Variants in MUS81 observed in about 807,000 individuals in gnomAD.
MUS81 encodes MUS81 structure-specific endonuclease subunit.
In MUS81, 69 loss-of-function variants were observed where a neutral mutation model predicts 74.2. The ratio of observed to expected loss-of-function variants is 0.93; its 90% CI spans 0.77 to 1.14. The LOEUF (loss-of-function observed/expected upper bound fraction) is 1.14. MUS81 is among the 50% of genes most tolerant of loss of function. The probability of loss-of-function intolerance (pLI) is 0.00; values close to 1 mark genes in which losing one functional copy is unlikely to be tolerated. For synonymous variants in MUS81, 303 were observed against 300.6 expected, an observed-to-expected ratio of 1.01 and a Z score of -0.08; for missense variants, 711 against 726.5, an observed-to-expected ratio of 0.98 and a Z score of 0.25.
intron 7 of MUS81, 70 bp downstream of exon 7, chr11:65,863,275 C>T: frequency 1.3e-6 from 2 of 1,579,420 alleles, no homozygotes; most frequent in Admixed American, 3.5e-5. Flanking sequence ...AAGCCCCGCC[C>T]CAACCCATCA....
At chr11:65,867,078 T>A (rs781514127), downstream of MUS81, 1 of 1,614,020 alleles carries the variant, frequency 6.2e-7, no homozygotes, top group Non-Finnish European at 8.5e-7. Flanking sequence ...GTTGTTGATT[T>A]GCTGCAGGGC....
downstream of MUS81, chr11:65,866,963 G>T: frequency 6.2e-7 from 1 of 1,614,212 alleles, no homozygotes; most frequent in Non-Finnish European, 8.5e-7. Flanking sequence ...TCAGTACAGA[G>T]CTGGCCCGGT....
Position 65,860,619 on chromosome 11 carries a change from T to G in MUS81, c.-135T>G. 1 of 1,285,270 alleles carries G rather than the reference T, an allele frequency of 7.8e-7. No homozygotes were observed. The highest frequency in any genetic ancestry group is 1.1e-6 in the Non-Finnish European group (1 of 927,936). 79.6% of individuals were successfully genotyped at this position (1,285,270 alleles called of 1,614,324 possible). ...AGTGCCCCCTGTGTTTGGGGCCCCG[T>G]GATCTCAACGGTCCTGCCCTCGGTC... On this transcript the variant is annotated 5_prime_UTR_variant, in exon 1 of 16. Coordinates refer to ENST00000308110, the MANE Select transcript of MUS81 (RefSeq NM_025128.5).
intron 6 of MUS81, among the ~76,000 whole-genome samples, chr11:65,862,827 G>T (rs1224695325): frequency 1.3e-5 from 2 of 152,262 alleles, no homozygotes; most frequent in Non-Finnish European, 2.9e-5. Flanking sequence ...AACAGCATTA[G>T]TGAAGACAGG....
chr11:65,864,674 G>A, intron 11 of MUS81, 46 bp from the exon 12 acceptor site: 2 of 1,613,172 alleles, frequency 1.2e-6, no homozygotes, highest in Non-Finnish European at 1.7e-6. Context: ...ATGGTTCATG[G>A]TCTAGGCCAG....
At chr11:65,864,071 C>A (rs750017911) in intron 10 of MUS81, 170 bp downstream of exon 10, 49 of 665,644 alleles carry the variant, frequency 7.4e-5, no homozygotes, top group Non-Finnish European at 1.1e-4. Context: ...CCCATCCAGG[C>A]GCACAGTAGG....
downstream of MUS81, chr11:65,866,515 G>C (rs77540033): frequency 2.7e-3 from 1,886 of 702,800 alleles, 29 homozygotes; most frequent in African/African-American, 0.029. Flanking sequence ...TGTACAGTTT[G>C]AGGCAGAGTT....
chr11:65,862,150 G>A (rs1455450224), intron 4 of MUS81, 61 bp from the exon 5 acceptor site: 2 of 1,597,908 alleles, frequency 1.3e-6, no homozygotes, highest in South Asian at 1.1e-5. Flanking sequence ...CCAGCCACCT[G>A]AGCGGGATGA....
Position 65,860,799 on chromosome 11 carries a change from T to G in MUS81, c.46T>G (p.Cys16Gly), listed in dbSNP as rs1859561773. 3.9e-6 allele frequency: 6 copies of G among 1,543,222 alleles called. No individual in the cohort carries two copies. The highest frequency in any genetic ancestry group is 5.2e-6 in the Non-Finnish European group (6 of 1,147,840). Residue 16 changes from cysteine to glycine, a missense_variant, in exon 1 of 16, where the codon TGT becomes GGT. Physicochemically the swap from Cys to Gly is radical, Grantham distance 159. Coordinates refer to ENST00000308110, the MANE Select transcript of MUS81 (RefSeq NM_025128.5). ...GGGCCGGAAGCGCCCGCTGCCTGCC[T>G]GTCCCAACCCGCTCTTCGTTCGCTG... Reference protein sequence around the residue: ...RLGRKRPLPACPNPLFVRWLT... With the variant: ...RLGRKRPLPAGPNPLFVRWLT...
In MUS81 at chr11:65,862,220, G is replaced by C. The variant is rs1859634565; in HGVS notation, c.460G>C (p.Gly154Arg). 1.9e-6 allele frequency: 3 copies of C among 1,613,608 alleles called. No individual in the cohort carries two copies. Among genetic ancestry groups the C allele is most frequent in the Non-Finnish European group, 2.5e-6 (3 of 1,179,992 alleles). The change falls in exon 5 of 16, where the codon GGT becomes CGT. Residue 154 changes from glycine (G) to arginine (R), a missense_variant. Transcript: ENST00000308110. The stretch of plus-strand genomic sequence containing the variant: ...TCTACCTTGGTTTCAGAATCCTAAT[G>C]GTCACCACTTCTTAACCAAGGAGGA... ...VLYREHLNPN[G>R]HHFLTKEELL...
In MUS81 at chr11:65,861,372, A is replaced by G; in HGVS notation, c.288A>G (p.Pro96=). 6.2e-7 allele frequency: 1 copy of G among 1,601,832 alleles called. No individual in the cohort carries two copies. Among genetic ancestry groups the G allele is most frequent in the East Asian group, 2.2e-5 (1 of 44,524 alleles). ...TSGGDHAPDS[P]SGENSPAPQG... is the part of the protein sequence containing the mutation. ...CAGGTGACCATGCCCCGGACTCACC[A>G]TCTGGAGAGAACAGTCCAGCCCCGC... is the stretch of plus-strand genomic sequence containing the variant. Residue 96 remains proline, a synonymous_variant, in exon 3 of 16, where the codon CCA becomes CCG. Coordinates refer to ENST00000308110, the MANE Select transcript of MUS81 (RefSeq NM_025128.5).
rs753689185 is a variant in MUS81 at position 65,866,082 on chromosome 11, C to T, written c.*30C>T. On this transcript the variant is annotated 3_prime_UTR_variant, in exon 16 of 16. Coordinates refer to ENST00000308110, the MANE Select transcript of MUS81 (RefSeq NM_025128.5). ...ATGCCGTGAAACAGCCCCCAGCCCC[C>T]GTCTGTCCCCCAACCCAGGCTAGCC... 2.1e-5 allele frequency: 33 copies of T among 1,601,970 alleles called. No homozygotes were observed. In the Middle Eastern group the frequency reaches 5.0e-4, roughly 24 times the overall value.
At position 65,860,960 on chromosome 11, in the gene MUS81, C is replaced by T; in HGVS notation, c.136-13C>T. The stretch of plus-strand genomic sequence containing the variant: ...GCCTGCCCTGACCAGGTACCCTACC[C>T]CTGCCCGGCCAGGCGCTGCGTTCCC... On this transcript the variant is annotated splice_polypyrimidine_tract_variant and intron_variant, in intron 1 of 15. Coordinates refer to ENST00000308110, the MANE Select transcript of MUS81 (RefSeq NM_025128.5). The T allele has an allele frequency of 6.2e-7, 1 of 1,611,302 alleles. No homozygotes were observed. The highest frequency in any genetic ancestry group is 8.5e-7 in the Non-Finnish European group (1 of 1,179,312).
chr11:65,863,370 C>G, intron 7 of MUS81, 40 bp from the exon 8 acceptor site: 1 of 1,611,904 alleles, frequency 6.2e-7, no homozygotes, highest in South Asian at 1.1e-5. Flanking sequence ...TGCCCTGGCA[C>G]AAGGGGTTCT....
rs201732178 is a variant in MUS81 at position 65,862,045 on chromosome 11, G to A, written c.450G>A (p.Leu150=). The change falls in exon 4 of 16, where the codon CTG becomes CTA. Residue 150 remains leucine (L), a splice_region_variant and synonymous_variant. Coordinates refer to ENST00000308110, the MANE Select transcript of MUS81 (RefSeq NM_025128.5). ...TGCTGGTGCTCTACCGGGAGCACCT[G>A]GTGAGCACTGGGCTACACCGGGAGG... ...VILLVLYREH[L]NPNGHHFLTK... is the part of the protein sequence containing the mutation. The A allele has an allele frequency of 1.1e-4, 182 of 1,607,692 alleles. No homozygotes were observed. Among genetic ancestry groups the A allele is most frequent in the Admixed American group, 5.3e-4 (31 of 58,900 alleles).
rs776591483 is a variant in MUS81, at chr11:65,863,878, G to T, written c.1036G>T (p.Asp346Tyr). 3.9e-5 allele frequency: 63 copies of T among 1,613,996 alleles called. No individual in the cohort carries two copies. Among genetic ancestry groups the T allele is most frequent in the Non-Finnish European group, 4.9e-5 (58 of 1,180,004 alleles). ...GGATGACCTTTGCAGCAGCATCATC[G>T]ACGGCCGCTTCCGGGAGCAGAAGGT... The part of the protein sequence containing the change: ...RLDDLCSSII[D>Y]GRFREQKFRL... The change falls in exon 10 of 16, where the codon GAC (aspartate) becomes TAC (tyrosine). Residue 346 changes from aspartate (D) to tyrosine (Y), a missense_variant. Transcript: ENST00000308110.
Position 65,860,591 on chromosome 11 carries a change from G to A in MUS81, c.-163G>A. ...GAGGGCGGCCGCAGGCTCTCCTCTC[G>A]TTAGTGCCCCCTGTGTTTGGGGCCC... On this transcript the variant is annotated 5_prime_UTR_variant, in exon 1 of 16. Transcript: ENST00000308110. 1.1e-6 allele frequency: 1 copy of A among 931,690 alleles called. No individual in the cohort carries two copies. Among genetic ancestry groups the A allele is most frequent in the East Asian group, 2.7e-5 (1 of 37,730 alleles). 57.7% of individuals were successfully genotyped at this position (931,690 alleles called of 1,614,324 possible).
chr11:65,862,713 G>A (rs146510231), intron 6 of MUS81, among the ~76,000 whole-genome samples, 184 bp downstream of exon 6: 139 of 152,342 alleles, frequency 9.1e-4, no homozygotes, highest in South Asian at 1.7e-3. Flanking sequence ...GGGAGGGTGC[G>A]GTGGTTATTG....
intron 6 of MUS81, among the ~76,000 whole-genome samples, chr11:65,862,764 C>T (rs578121779): frequency 1.3e-5 from 2 of 152,166 alleles, no homozygotes; most frequent in Non-Finnish European, 2.9e-5. Context: ...GCATTTGACA[C>T]GTTTTAGGAT....
Sources: gnomAD v4.1 joint callset for allele counts (sites outside exome capture counted in the v4.1 genomes callset) on GRCh38, gnomAD v4.1.1 for gene constraint, MANE v1.5 for transcripts, NCBI Gene and HGNC (gene_info 2026-07-23, HGNC 2026-07-21) for gene names.